Variants in PUS1 observed in about 807,000 individuals in gnomAD.
PUS1 encodes pseudouridine synthase 1, also known as pseudouridylate synthase 1 homolog.
PUS1 carries 25 observed loss-of-function variants against 38.5 expected under a neutral mutation model. The observed-to-expected ratio is 0.65, with a 90% CI of 0.47 to 0.91. The LOEUF (loss-of-function observed/expected upper bound fraction) is 0.91. PUS1 is among the 40% of genes least tolerant of loss of function. The pLI is 0.00. For missense variants in PUS1, 597 were observed against 612.3 expected (o/e 0.97, Z 0.26); for synonymous variants, 282 against 260.4 (o/e 1.08, Z -0.80).
chr12:131,933,843 C>T (rs997659045), intron 3 of PUS1, among the ~76,000 whole-genome samples: 9 of 152,202 alleles, frequency 5.9e-5, no homozygotes, highest in Admixed American at 4.6e-4. Flanking sequence ...GGAAAGACAG[C>T]TGGGTCCAGG....
chr12:131,935,823 G>A (rs1413529953), intron 3 of PUS1, among the ~76,000 whole-genome samples: 2 of 151,908 alleles, frequency 1.3e-5, no homozygotes, highest in Non-Finnish European at 2.9e-5. Context: ...GTGAGCCCCC[G>A]TGCCCGGCCT....
chr12:131,933,420 A>G (rs1030358825), intron 3 of PUS1, among the ~76,000 whole-genome samples: 56 of 152,312 alleles, frequency 3.7e-4, no homozygotes, highest in African/African-American at 1.2e-3. Flanking sequence ...AAATCTCTTC[A>G]TGGGATAAAT....
chr12:131,942,079 T>C (rs1409854061), intron 5 of PUS1, 96 bp downstream of exon 5: 2 of 1,164,340 alleles, frequency 1.7e-6, no homozygotes, highest in Middle Eastern at 2.7e-4. Context: ...AGTGTGTCAC[T>C]TCCCCGCAAG....
In PUS1 at chr12:131,940,235, C is replaced by T. The variant is rs543109470; in HGVS notation, c.544+960C>T. 5.3e-5 allele frequency among the ~76,000 whole-genome samples: 8 copies of T among 151,288 alleles called. 1 individual carries two copies. The highest frequency in any genetic ancestry group is 4.2e-4 in the South Asian group (2 of 4,764). ...TTGTAGAGATGGGGTTTCGCCATGT[C>T]GCCCAGGCTGGTCTCAAACTCCTAG... On this transcript the variant is annotated intron_variant, in intron 4 of 5. Transcript: ENST00000376649.
At position 131,929,742 on chromosome 12, in the gene PUS1, C is replaced by T. The variant is rs778774303; in HGVS notation, c.20C>T (p.Ala7Val). 29 of 1,591,816 alleles carry T rather than the reference C, an allele frequency of 1.8e-5. No individual in the cohort carries two copies. The highest frequency in any genetic ancestry group is 2.7e-5 in the African/African-American group (2 of 74,002). Reference protein sequence around the residue: MGLQLRALLGAFGRWTL... With the variant: MGLQLRVLLGAFGRWTL... ...CTGCGCATGGGCCTCCAGCTTCGCG[C>T]GCTGTTGGGAGCCTTCGGACGGTGG... The change falls in exon 1 of 6, where the codon GCG becomes GTG. Residue 7 changes from alanine (A) to valine (V), a missense_variant. Ala to Val is a moderately conservative substitution (Grantham distance 64). Transcript: ENST00000376649.
intron 5 of PUS1, 59 bp downstream of exon 5, chr12:131,942,042 A>G (rs1250524217): frequency 1.4e-6 from 2 of 1,452,284 alleles, no homozygotes; most frequent in African/African-American, 2.8e-5. Context: ...TTCCCATTGT[A>G]CAGAGGAGTG....
chr12:131,938,788 C>T (rs1431647040), intron 3 of PUS1, among the ~76,000 whole-genome samples: 1 of 148,596 alleles, frequency 6.7e-6, no homozygotes, highest in African/African-American at 2.5e-5. Context: ...GTGGCACGAT[C>T]TCAGCTCACT....
In PUS1 at chr12:131,941,437, G is replaced by A; in HGVS notation, c.690G>A (p.Gln230=). The change falls in exon 5 of 6, where the codon CAG becomes CAA. Residue 230 remains glutamine (Q), a synonymous_variant. Coordinates refer to ENST00000376649, the MANE Select transcript of PUS1 (RefSeq NM_025215.6). This position sits in a 1 kb window ranked among gnomAD's most constrained non-coding sequence, Gnocchi z 4.4. ...ACCGCCTGAGCGCCGAGACGCTGCAGCAGGTCAACAGGCTCCTGGCCTGCT... is the reference window on the plus strand; with the variant it reads ...ACCGCCTGAGCGCCGAGACGCTGCAACAGGTCAACAGGCTCCTGGCCTGCT... The part of the protein sequence containing the change: ...ETYRLSAETL[Q]QVNRLLACYK... The A allele has an allele frequency of 6.2e-7, 1 of 1,613,816 alleles. No individual in the cohort carries two copies. Among genetic ancestry groups the A allele is most frequent in the Non-Finnish European group, 8.5e-7 (1 of 1,179,690 alleles).
intron 3 of PUS1, among the ~76,000 whole-genome samples, chr12:131,933,830 G>C (rs1890711735): frequency 6.6e-6 from 1 of 152,220 alleles, no homozygotes; most frequent in South Asian, 2.1e-4. Flanking sequence ...CAAAGAGATA[G>C]AAGGAAAGAC....
intron 5 of PUS1, among the ~76,000 whole-genome samples, chr12:131,942,508 G>A (rs1455132540): frequency 6.6e-6 from 1 of 152,084 alleles, no homozygotes; most frequent in African/African-American, 2.4e-5. Flanking sequence ...CCGGGTTCAC[G>A]CCATTCTCCT....
Position 131,941,899 on chromosome 12 carries a change from A to G in PUS1, c.1152A>G (p.Glu384=). 1.2e-6 allele frequency: 2 copies of G among 1,613,458 alleles called. No homozygotes were observed. The highest frequency in any genetic ancestry group is 1.7e-6 in the Non-Finnish European group (2 of 1,180,018). Reference sequence around the variant, plus strand: ...CCATCATCGGCACCGAGCGGGACGAACGCTCCATGGCCCAGTGGCTGAGCA... The same window carrying G: ...CCATCATCGGCACCGAGCGGGACGAGCGCTCCATGGCCCAGTGGCTGAGCA... ...YPTIIGTERD[E]RSMAQWLSTL... is the part of the protein sequence containing the mutation. Residue 384 remains glutamate, a synonymous_variant, in exon 5 of 6, where the codon GAA becomes GAG. Transcript: ENST00000376649. This position sits in a 1 kb window ranked among gnomAD's most constrained non-coding sequence, Gnocchi z 4.4.
rs145061048 is a variant in PUS1 at position 131,941,794 on chromosome 12, C to T, written c.1047C>T (p.Asn349=). 467 of 1,613,170 alleles carry T rather than the reference C, an allele frequency of 2.9e-4. 1 individual carries two copies. The highest frequency in any genetic ancestry group is 3.7e-4 in the Non-Finnish European group (437 of 1,179,382). The part of the protein sequence containing the change: ...HFEKYNQRFG[N]DGLHEPLDWA... ...AGAAGTACAACCAGCGCTTTGGCAA[C>T]GATGGGCTGCATGAGCCGCTGGACT... The change falls in exon 5 of 6, where the codon AAC becomes AAT. Residue 349 remains asparagine, a synonymous_variant. Coordinates refer to ENST00000376649, the MANE Select transcript of PUS1 (RefSeq NM_025215.6). This position sits in a 1 kb window ranked among gnomAD's most constrained non-coding sequence, Gnocchi z 4.4.
At position 131,942,078 on chromosome 12, in the gene PUS1, C is replaced by CT. The variant is rs1292903079; in HGVS notation, c.1236+97dup. 4 of 1,179,310 alleles carry CT rather than the reference C, an allele frequency of 3.4e-6. No individual in the cohort carries two copies. In the East Asian group the frequency reaches 1.0e-4, roughly 30 times the overall value. The allele number at this position is 1,179,310 out of a possible 1,614,324, so 73.1% of individuals were successfully genotyped here. On this transcript the variant is annotated intron_variant, in intron 5 of 5. Coordinates refer to ENST00000376649, the MANE Select transcript of PUS1 (RefSeq NM_025215.6). ...AGCTGAGGCACAGAGAAGTGTGTCACTTCCCCGCAAGGCCACACAGCTGCT... is the reference window on the plus strand; with the variant it reads ...AGCTGAGGCACAGAGAAGTGTGTCACTTTCCCCGCAAGGCCACACAGCTGCT...
At chr12:131,938,566 G>A (rs1890928856) in intron 3 of PUS1, among the ~76,000 whole-genome samples, 1 of 152,184 alleles carries the variant, frequency 6.6e-6, no homozygotes, top group Middle Eastern at 3.2e-3. Context: ...GTACCTACCT[G>A]TGTACGCACT....
At chr12:131,943,051 C>T (rs963616550) in intron 5 of PUS1, among the ~76,000 whole-genome samples, 4 of 152,202 alleles carry the variant, frequency 2.6e-5, no homozygotes, top group African/African-American at 9.7e-5. Flanking sequence ...TGACAGTGAC[C>T]GTATGCTTAA....
In PUS1 at chr12:131,929,572, G is replaced by A. The variant is rs1890481878; in HGVS notation, c.-151G>A. ...GTCAGGGGTCAGCTGGAGAGGGGCT[G>A]GGGCGCCGGTTTCCCGGAGGTCAGG... is the stretch of plus-strand genomic sequence containing the variant. On this transcript the variant is annotated 5_prime_UTR_variant, in exon 1 of 6. Coordinates refer to ENST00000376649, the MANE Select transcript of PUS1 (RefSeq NM_025215.6). 1.1e-5 allele frequency: 7 copies of A among 629,428 alleles called. No homozygotes were observed. Among genetic ancestry groups the A allele is most frequent in the Middle Eastern group, 8.8e-4 (2 of 2,274 alleles). 39.0% of individuals were successfully genotyped at this position (629,428 alleles called of 1,614,324 possible). A position where few individuals can be genotyped will look rare whatever the true frequency, so the allele number is the denominator to read the frequency against.
In PUS1 at chr12:131,932,235, C is replaced by T. The variant is rs142954643; in HGVS notation, c.364C>T (p.Arg122Trp). The T allele has an allele frequency of 1.5e-5, 24 of 1,613,674 alleles. No homozygotes were observed. The highest frequency in any genetic ancestry group is 2.2e-5 in the East Asian group (1 of 44,888). The stretch of plus-strand genomic sequence containing the variant: ...AGATGACTTGGTGTCCGCCCTCGTC[C>T]GGTCAGGCTGTATTCCTGAAAATCA... ...IEDDLVSALV[R>W]SGCIPENHGE... Residue 122 changes from arginine (R) to tryptophan (W), a missense_variant, in exon 3 of 6, where the codon CGG (arginine) becomes TGG (tryptophan). Physicochemically the swap from Arg to Trp is moderately radical, Grantham distance 101. Coordinates refer to ENST00000376649, the MANE Select transcript of PUS1 (RefSeq NM_025215.6).
intron 3 of PUS1, among the ~76,000 whole-genome samples, chr12:131,933,632 T>C (rs749205875): frequency 2.6e-4 from 39 of 152,102 alleles, no homozygotes; most frequent in Non-Finnish European, 8.8e-5. Context: ...ACATGCCAAG[T>C]GGTCCTGTGA....
chr12:131,943,434 TG>T, intron 5 of PUS1, 104 bp from the exon 6 acceptor site: 1 of 900,344 alleles, frequency 1.1e-6, no homozygotes. Flanking sequence ...GAGGGAGTGG[TG>T]GGGGCAAGGC....
Sources: allele counts gnomAD v4.1 joint callset (sites outside exome capture counted in the v4.1 genomes callset), GRCh38; gene constraint gnomAD v4.1.1; non-coding constraint Gnocchi (gnomAD v3.1); transcripts MANE v1.5; gene names NCBI Gene and HGNC (gene_info 2026-07-23, HGNC 2026-07-21).